The following MRTFB variants were observed in gnomAD, a reference collection of about 807,000 sequenced individuals.
MRTFB encodes the protein myocardin related transcription factor B.
MRTFB carries 29 observed loss-of-function variants against 104.2 expected under a neutral mutation model. The observed-to-expected ratio is 0.28, with a 90% confidence interval of 0.21 to 0.38. MRTFB has a LOEUF of 0.38. Ranked by LOEUF, MRTFB falls within the 10% of genes least tolerant of loss-of-function variation. The probability of loss-of-function intolerance (pLI) is 1.00; values close to 1 mark genes in which losing one functional copy is unlikely to be tolerated. For missense variants in MRTFB, 1,270 were observed against 1,341.6 expected (o/e 0.95, Z 0.83); for synonymous variants, 535 against 519.5 (o/e 1.03, Z -0.41).
chr16:14,192,840 T>C (rs1163627484), intron 3 of MRTFB, among the ~76,000 whole-genome samples: 1 of 152,130 alleles, frequency 6.6e-6, no homozygotes, highest in East Asian at 1.9e-4. Context: ...CTCATCTCAA[T>C]AAACAGCACC....
chr16:14,160,742 T>C (rs74959430), intron 3 of MRTFB, among the ~76,000 whole-genome samples: 2,729 of 152,282 alleles, frequency 0.018, 77 homozygotes, highest in African/African-American at 0.061. Flanking sequence ...TACAGATATT[T>C]TATTTTTTTA....
upstream of MRTFB, among the ~76,000 whole-genome samples, chr16:14,066,337 G>A (rs13333620): frequency 2.1e-3 from 322 of 151,584 alleles, 1 homozygote; most frequent in African/African-American, 7.0e-3. Context: ...GCAGTCACGC[G>A]ATCTCGGCTC....
At chr16:14,060,258 C>T in the MRTFB span, among the ~76,000 whole-genome samples, 2 of 151,978 alleles carry the variant, frequency 1.3e-5, no homozygotes, top group Non-Finnish European at 2.9e-5. Flanking sequence ...CTGCCCGCCT[C>T]GGCCTCCCAA....
intron 3 of MRTFB, chr16:14,144,196 G>T (rs764122673): frequency 6.6e-6 from 1 of 152,010 alleles, no homozygotes; most frequent in African/African-American, 2.4e-5. Flanking sequence ...TGTTCAATAC[G>T]GAGTAAATGA....
At chr16:14,151,096 C>T (rs1003313208) in intron 3 of MRTFB, 4 of 152,176 alleles carry the variant, frequency 2.6e-5, no homozygotes, top group African/African-American at 9.7e-5. Flanking sequence ...ACAATAGCAA[C>T]AGGAGGTGAC....
intron 4 of MRTFB, 141 bp from the exon 5 acceptor site, chr16:14,212,213 C>A: frequency 2.9e-6 from 2 of 700,112 alleles, no homozygotes; most frequent in Non-Finnish European, 2.3e-6. Flanking sequence ...TCAAATTTTG[C>A]AGGTCTCCTA....
chr16:14,111,523 G>A (rs1056389586), intron 2 of MRTFB, among the ~76,000 whole-genome samples: 32 of 152,332 alleles, frequency 2.1e-4, no homozygotes, highest in South Asian at 1.7e-3. Flanking sequence ...GTTGCTTAAC[G>A]TGAATTTGGT....
intron 15 of MRTFB, among the ~76,000 whole-genome samples, chr16:14,257,215 G>C (rs1187417445): frequency 6.6e-6 from 1 of 152,126 alleles, no homozygotes; most frequent in Non-Finnish European, 1.5e-5. Flanking sequence ...ACCTACACCT[G>C]TCCTGTGATC....
the MRTFB span, among the ~76,000 whole-genome samples, chr16:14,032,586 A>T: frequency 6.6e-6 from 1 of 152,118 alleles, no homozygotes; most frequent in South Asian, 2.1e-4. Context: ...CAAATTATTG[A>T]ACCTGAGAAG....
intron 15 of MRTFB, among the ~76,000 whole-genome samples, chr16:14,255,291 C>T (rs1190379754): frequency 6.6e-6 from 1 of 152,204 alleles, no homozygotes; most frequent in Admixed American, 6.5e-5. Flanking sequence ...AAATTTATAG[C>T]TTTGAGATGC....
intron 2 of MRTFB, among the ~76,000 whole-genome samples, chr16:14,081,796 G>A (rs1365937175): frequency 6.6e-6 from 1 of 151,710 alleles, no homozygotes; most frequent in Non-Finnish European, 1.5e-5. Context: ...TGCCCAGGCT[G>A]GTCTCAGACT....
At chr16:14,018,810 ATAT>A in the MRTFB span, 1 of 151,932 alleles carries the variant, frequency 6.6e-6, no homozygotes, top group Non-Finnish European at 1.5e-5. Context: ...AAGAAGCCAC[ATAT>A]TTTTTTTTTT....
chr16:14,118,638 C>CA (rs1322430966), intron 2 of MRTFB, among the ~76,000 whole-genome samples: 1 of 151,450 alleles, frequency 6.6e-6, no homozygotes, highest in East Asian at 2.0e-4. Context: ...CCCATCTCTA[C>CA]AAAAAATACA....
chr16:13,995,922 A>T, the MRTFB span, among the ~76,000 whole-genome samples: 1 of 152,128 alleles, frequency 6.6e-6, no homozygotes, highest in Non-Finnish European at 1.5e-5. Flanking sequence ...ACACACAGCC[A>T]AACCATATCA....
At chr16:14,090,494 G>A (rs1461179048) in intron 2 of MRTFB, among the ~76,000 whole-genome samples, 1 of 152,184 alleles carries the variant, frequency 6.6e-6, no homozygotes, top group Non-Finnish European at 1.5e-5. Context: ...GGATCCAGAG[G>A]TGAGTGGGAT....
chr16:14,097,207 A>G lies in MRTFB; in HGVS notation c.-64+17853A>G, dbSNP rs1464388765. ...TCCAGCACTTACAACAATGCCAGAC[A>G]TAGAGTATATGTGCAATAAACGTTT... On this transcript the variant is annotated intron_variant, in intron 2 of 16. Coordinates refer to ENST00000571589, the MANE Select transcript of MRTFB (RefSeq NM_001308142.2). Among the ~76,000 whole-genome samples the G allele has an allele frequency of 3.3e-5, 5 of 152,346 alleles. No individual in the cohort carries two copies. In the East Asian group the frequency reaches 7.7e-4, roughly 23 times the overall value.
intron 2 of MRTFB, among the ~76,000 whole-genome samples, chr16:14,081,040 A>T (rs2034366059): frequency 6.6e-6 from 1 of 152,180 alleles, no homozygotes; most frequent in African/African-American, 2.4e-5. Context: ...GCTGGATCAT[A>T]TGGTAGTTTC....
chr16:14,003,623 G>GCCTGCCTGCCTGCCT, the MRTFB span, among the ~76,000 whole-genome samples: 48 of 85,424 alleles, frequency 5.6e-4, no homozygotes, highest in African/African-American at 1.4e-3. Flanking sequence ...GGGGCCGGCC[G>GCCTGCCTGCCTGCCT]GCCTGCCTGC....
intron 1 of MRTFB, among the ~76,000 whole-genome samples, chr16:14,076,295 G>A (rs1356223259): frequency 2.6e-5 from 4 of 151,970 alleles, no homozygotes; most frequent in African/African-American, 4.8e-5. Context: ...AGGTTCAAGC[G>A]ATTCTCCTGC....
Sources: gnomAD v4.1 joint callset for allele counts (sites outside exome capture counted in the v4.1 genomes callset) on GRCh38, gnomAD v4.1.1 for gene constraint, MANE v1.5 for transcripts, NCBI Gene and HGNC (gene_info 2026-07-23, HGNC 2026-07-21) for gene names.